Variants in LRRC8C observed in about 807,000 individuals in gnomAD.
The protein encoded by LRRC8C is volume-regulated anion channel subunit LRRC8C.
In LRRC8C, 20 loss-of-function variants were observed where a neutral mutation model predicts 55.3. That is an observed-to-expected ratio of 0.36 (90% confidence interval 0.25 to 0.53). The LOEUF is 0.53. LRRC8C is among the 20% of genes least tolerant of loss of function. The pLI, the probability that LRRC8C is intolerant of heterozygous loss-of-function variation, is 0.92. For synonymous variants in LRRC8C, 376 were observed against 360.7 expected, an observed-to-expected ratio of 1.04 and a Z score of -0.48; for missense variants, 659 against 951.4, an observed-to-expected ratio of 0.69 and a Z score of 4.04.
At chr1:89,657,111 T>C (rs1656966510) in intron 1 of LRRC8C, among the ~76,000 whole-genome samples, 1 of 152,212 alleles carries the variant, frequency 6.6e-6, no homozygotes, top group Non-Finnish European at 1.5e-5. Context: ...TTTATTTTTA[T>C]TTTTTAGATT....
chr1:89,641,246 A>G (rs1656448062), intron 1 of LRRC8C, among the ~76,000 whole-genome samples: 1 of 152,164 alleles, frequency 6.6e-6, no homozygotes, highest in South Asian at 2.1e-4. Flanking sequence ...TTAAAATTTT[A>G]TTTGTCTTAG....
At chr1:89,660,206 C>T (rs1657076456) in intron 1 of LRRC8C, among the ~76,000 whole-genome samples, 2 of 152,148 alleles carry the variant, frequency 1.3e-5, no homozygotes, top group African/African-American at 4.8e-5. Flanking sequence ...GTACTGAAAT[C>T]ATTTTAAGTG....
At position 89,715,239 on chromosome 1, in the gene LRRC8C, TTTTG is replaced by T. The variant is rs993342898; in HGVS notation, c.*261_*264del. ...GAGATAGTTCCATTTGGTTTTTTGT[TTTTG>T]TTTTTTAGTTCATTCTTGTGGAAAG... On this transcript the variant is annotated 3_prime_UTR_variant, in exon 3 of 3. Coordinates refer to ENST00000370454, the MANE Select transcript of LRRC8C (RefSeq NM_032270.5). The T allele has an allele frequency of 2.2e-4, 58 of 262,628 alleles. No homozygotes were observed. The highest frequency in any genetic ancestry group is 1.2e-3 in the African/African-American group (54 of 45,394). 16.3% of individuals were successfully genotyped at this position (262,628 alleles called of 1,614,324 possible). A position where few individuals can be genotyped will look rare whatever the true frequency, so the allele number is the denominator to read the frequency against.
intron 1 of LRRC8C, among the ~76,000 whole-genome samples, chr1:89,656,630 C>T (rs1422468501): frequency 6.6e-6 from 1 of 152,048 alleles, no homozygotes; most frequent in Non-Finnish European, 1.5e-5. Flanking sequence ...CATGGAGTTA[C>T]AGATAATTGA....
intron 1 of LRRC8C, 77 bp downstream of exon 1, chr1:89,633,399 C>CGGACCGG (rs1656182933): frequency 6.6e-6 from 1 of 152,470 alleles, no homozygotes; most frequent in Non-Finnish European, 1.5e-5. Context: ...CTGTGCGCGC[C>CGGACCGG]GGACCGGGAC....
chr1:89,622,892 T>C, the LRRC8C span, among the ~76,000 whole-genome samples: 2 of 152,236 alleles, frequency 1.3e-5, no homozygotes, highest in African/African-American at 4.8e-5. Flanking sequence ...TAATTTTGAA[T>C]TTTGGTTAAG....
At chr1:89,633,743 C>A (rs1656201987) in intron 1 of LRRC8C, among the ~76,000 whole-genome samples, 1 of 152,218 alleles carries the variant, frequency 6.6e-6, no homozygotes, top group African/African-American at 2.4e-5. Flanking sequence ...GGTCTATCAC[C>A]CCCCTGCCAC....
chr1:89,649,531 A>G (rs1656702080), intron 1 of LRRC8C, among the ~76,000 whole-genome samples: 1 of 152,028 alleles, frequency 6.6e-6, no homozygotes, highest in African/African-American at 2.4e-5. Context: ...ATTTTTTTTA[A>G]GATTTTCTTA....
intron 2 of LRRC8C, among the ~76,000 whole-genome samples, chr1:89,709,777 A>C (rs1463241646): frequency 2.2e-5 from 3 of 135,946 alleles, no homozygotes; most frequent in Non-Finnish European, 4.6e-5. Flanking sequence ...TTTGAGACGG[A>C]GTCTCGCTCT....
At chr1:89,634,439 G>A (rs901300613) in intron 1 of LRRC8C, among the ~76,000 whole-genome samples, 2 of 152,162 alleles carry the variant, frequency 1.3e-5, no homozygotes, top group Admixed American at 6.5e-5. Context: ...CTTCTTTCGC[G>A]GTAGTGTGAG....
At chr1:89,689,743 C>G (rs1657977969) in intron 2 of LRRC8C, among the ~76,000 whole-genome samples, 1 of 152,148 alleles carries the variant, frequency 6.6e-6, no homozygotes, top group Non-Finnish European at 1.5e-5. Flanking sequence ...GAGTTCGAGA[C>G]TAGCCTGGCC....
At chr1:89,684,805 T>C (rs1229818816) in intron 1 of LRRC8C, among the ~76,000 whole-genome samples, 1 of 152,212 alleles carries the variant, frequency 6.6e-6, no homozygotes, top group South Asian at 2.1e-4. Context: ...GATTCTACCC[T>C]GAAGAAACTT....
intron 1 of LRRC8C, among the ~76,000 whole-genome samples, chr1:89,655,258 C>T (rs10801762): frequency 0.99 from 150,385 of 152,162 alleles, 74,328 homozygotes; most frequent in Middle Eastern, 1. Flanking sequence ...TTTCCAAGTT[C>T]TTTTCGGTGT....
chr1:89,619,475 A>C, the LRRC8C span, among the ~76,000 whole-genome samples: 3 of 149,786 alleles, frequency 2.0e-5, no homozygotes, highest in Non-Finnish European at 4.4e-5. Context: ...TAAACTTTTT[A>C]TATAATAAAT....
chr1:89,716,616 CTTGACCTAG>C lies in LRRC8C; in HGVS notation c.*1635_*1643del, dbSNP rs1658829598. 6.6e-6 allele frequency: 1 copy of C among 152,138 alleles called. No homozygotes were observed. Among genetic ancestry groups the C allele is most frequent in the Non-Finnish European group, 1.5e-5 (1 of 68,026 alleles). The allele number at this position is 152,138 out of a possible 1,614,324, so 9.4% of individuals were successfully genotyped here. On this transcript the variant is annotated 3_prime_UTR_variant, in exon 3 of 3. Coordinates refer to ENST00000370454, the MANE Select transcript of LRRC8C (RefSeq NM_032270.5). ...GAAAATGAAATACACTATTTGTGCCCTTGACCTAGAACCAGAACCACTAATTATGAGAAC... is the reference window on the plus strand; with the variant it reads ...GAAAATGAAATACACTATTTGTGCCCAACCAGAACCACTAATTATGAGAAC...
intron 1 of LRRC8C, among the ~76,000 whole-genome samples, chr1:89,659,287 G>A (rs1452860546): frequency 2.0e-5 from 3 of 152,086 alleles, no homozygotes; most frequent in Admixed American, 1.3e-4. Flanking sequence ...ATTCATTCAA[G>A]AAGGAATTCA....
At chr1:89,693,161 G>C (rs940151323) in intron 2 of LRRC8C, among the ~76,000 whole-genome samples, 2 of 152,222 alleles carry the variant, frequency 1.3e-5, no homozygotes, top group South Asian at 4.1e-4. Context: ...CACTAGGAGC[G>C]AAGTGGCCAG....
chr1:89,703,083 A>C (rs1245909359), intron 2 of LRRC8C, among the ~76,000 whole-genome samples: 1 of 152,226 alleles, frequency 6.6e-6, no homozygotes, highest in Non-Finnish European at 1.5e-5. Flanking sequence ...ATTTCCCAAA[A>C]TTAAAGAAAG....
chr1:89,623,421 A>G, the LRRC8C span, among the ~76,000 whole-genome samples: 1 of 152,148 alleles, frequency 6.6e-6, no homozygotes, highest in Non-Finnish European at 1.5e-5. Flanking sequence ...ATGGAAGGCT[A>G]TCATAAATGC....
Sources: allele counts gnomAD v4.1 joint callset (sites outside exome capture counted in the v4.1 genomes callset), GRCh38; gene constraint gnomAD v4.1.1; transcripts MANE v1.5; gene names NCBI Gene and HGNC (gene_info 2026-07-23, HGNC 2026-07-21).